DMBT1: variants seen among roughly 807,000 people sequenced by gnomAD.
The protein encoded by DMBT1 is deleted in malignant brain tumors 1.
Under a neutral mutation model 252.9 loss-of-function variants are expected in DMBT1, and 198 were observed. That is an observed-to-expected ratio of 0.78 (90% CI 0.70 to 0.88). The LOEUF is 0.88. Ranked by LOEUF, DMBT1 falls within the 40% of genes least tolerant of loss-of-function variation. The probability of loss-of-function intolerance (pLI) is 0.00; values close to 1 mark genes in which losing one functional copy is unlikely to be tolerated. For missense variants in DMBT1, 2,432 were observed against 2,404.7 expected (o/e 1.01, Z -0.24); for synonymous variants, 990 against 942.7 (o/e 1.05, Z -0.92).
At chr10:122,617,487 A>T (rs1398419692) in intron 40 of DMBT1, among the ~76,000 whole-genome samples, 1 of 151,436 alleles carries the variant, frequency 6.6e-6, no homozygotes, top group Admixed American at 6.6e-5. Flanking sequence ...TTCAGGAACG[A>T]TCCTCATCCA....
At chr10:122,621,501 C>A in intron 44 of DMBT1, 121 bp downstream of exon 44, 1 of 1,488,014 alleles carries the variant, frequency 6.7e-7, no homozygotes, top group Non-Finnish European at 9.0e-7. Flanking sequence ...TTTTTGAAGA[C>A]TTGTTAGCTC....
chr10:122,591,782 C>A (rs1565745517), intron 19 of DMBT1, among the ~76,000 whole-genome samples: 1 of 149,084 alleles, frequency 6.7e-6, no homozygotes, highest in Non-Finnish European at 1.5e-5. Flanking sequence ...CCCTGGAGAG[C>A]TCCCTACTCC....
intron 52 of DMBT1, among the ~76,000 whole-genome samples, chr10:122,634,372 C>CTT (rs35199679): frequency 0.022 from 2,797 of 125,516 alleles, 91 homozygotes; most frequent in African/African-American, 0.052. Context: ...TTCTTTCTTT[C>CTT]TTTCTTTCTT....
Position 122,598,917 on chromosome 10 carries a change from C to A in DMBT1, c.3100C>A (p.Leu1034Met). ...TNDANVVCRQ[L>M]GCGWAMSAPG... is the part of the protein sequence containing the mutation. ...TGATGCCAATGTCGTCTGCAGGCAACTGGGCTGTGGCTGGGCCATGTCAGC... is the reference window on the plus strand; with the variant it reads ...TGATGCCAATGTCGTCTGCAGGCAAATGGGCTGTGGCTGGGCCATGTCAGC... Residue 1034 changes from leucine to methionine, a missense_variant, in exon 26 of 56, where the codon CTG (leucine) becomes ATG (methionine). Physicochemically the swap from Leu to Met is conservative, Grantham distance 15. Around this residue, in one of 3 missense-constraint regions of DMBT1, gnomAD observed 1,264 missense variants for 1,082.2 expected, o/e 1.17. Coordinates refer to ENST00000338354, the MANE Select transcript of DMBT1 (RefSeq NM_001377530.1). 6.2e-7 allele frequency: 1 copy of A among 1,613,828 alleles called. No homozygotes were observed. Among genetic ancestry groups the A allele is most frequent in the Non-Finnish European group, 8.5e-7 (1 of 1,179,754 alleles).
chr10:122,567,495 T>A (rs911282949), intron 2 of DMBT1, among the ~76,000 whole-genome samples: 1 of 152,118 alleles, frequency 6.6e-6, no homozygotes, highest in Non-Finnish European at 1.5e-5. Flanking sequence ...TTCCTCCCTC[T>A]GGGAGGAAAA....
rs761250550 is a variant in DMBT1 at position 122,621,311 on chromosome 10, A to T, written c.5539A>T (p.Ser1847Cys). ...CTCAGGGAATGAGTCCTACCTGTGG[A>T]GCTGCCCCCACAAAGGCTGGCTCAC... ...RCSGNESYLW[S>C]CPHKGWLTHN... Residue 1847 changes from serine to cysteine, a missense_variant, in exon 44 of 56, where the codon AGC becomes TGC. Ser to Cys is a moderately radical substitution (Grantham distance 112). Coordinates refer to ENST00000338354, the MANE Select transcript of DMBT1 (RefSeq NM_001377530.1). 5 of 1,613,794 alleles carry T rather than the reference A, an allele frequency of 3.1e-6. No homozygotes were observed. Among genetic ancestry groups the T allele is most frequent in the Non-Finnish European group, 4.2e-6 (5 of 1,179,738 alleles).
intron 55 of DMBT1, among the ~76,000 whole-genome samples, chr10:122,642,518 C>T (rs1844745642): frequency 6.6e-6 from 1 of 152,112 alleles, no homozygotes; most frequent in Admixed American, 6.5e-5. Context: ...GAGGAGGTGC[C>T]CCAGGGAATG....
In DMBT1 at chr10:122,634,831, G is replaced by A. The variant is rs188552504; in HGVS notation, c.6549-1160G>A. ...CATTAATATATGATTTATCCAAGGA[G>A]GCGGGTGGCCCAGCTAACTGTGAAG... On this transcript the variant is annotated intron_variant, in intron 52 of 55. Transcript: ENST00000338354. Among the ~76,000 whole-genome samples the A allele has an allele frequency of 1.8e-3, 267 of 152,286 alleles. 1 individual carries two copies. The highest frequency in any genetic ancestry group is 0.011 in the South Asian group (55 of 4,826).
intron 40 of DMBT1, among the ~76,000 whole-genome samples, chr10:122,617,782 T>G (rs1176887352): frequency 6.6e-6 from 1 of 151,544 alleles, no homozygotes; most frequent in Non-Finnish European, 1.5e-5. Context: ...TCCTGTCACT[T>G]CCAGTGGGGT....
At chr10:122,600,494 C>G (rs2097939008) in intron 27 of DMBT1, among the ~76,000 whole-genome samples, 1 of 152,224 alleles carries the variant, frequency 6.6e-6, no homozygotes, top group South Asian at 2.1e-4. Flanking sequence ...CCATCCTTCA[C>G]TGCTGGAAAC....
rs1468647708 is a variant in DMBT1, at chr10:122,630,975, T to C, written c.6040T>C (p.Leu2014=). ...GTGTCTTTCAGATGCCACCTTGAGG[T>C]TGGTCAATTTAAATTCATCCTATGG... is the stretch of plus-strand genomic sequence containing the variant. The part of the protein sequence containing the change: ...NSFPSDATLR[L]VNLNSSYGLC... Residue 2014 remains leucine (L), a synonymous_variant, in exon 49 of 56, where the codon TTG becomes CTG. Transcript: ENST00000338354. The C allele has an allele frequency of 6.2e-7, 1 of 1,600,940 alleles. No homozygotes were observed. The highest frequency in any genetic ancestry group is 8.6e-7 in the Non-Finnish European group (1 of 1,169,496).
Position 122,630,965 on chromosome 10 carries a change from C to T in DMBT1, c.6030C>T (p.Ala2010=), listed in dbSNP as rs766842754. The T allele has an allele frequency of 8.2e-6, 13 of 1,594,070 alleles. No individual in the cohort carries two copies. The East Asian group carries it at 2.0e-4, about 25-fold the overall frequency. ...CTCAGTTAATGTGTCTTTCAGATGC[C>T]ACCTTGAGGTTGGTCAATTTAAATT... is the stretch of plus-strand genomic sequence containing the variant. The part of the protein sequence containing the change: ...LAWYNSFPSD[A]TLRLVNLNSS... Residue 2010 remains alanine, a synonymous_variant, in exon 49 of 56, where the codon GCC becomes GCT. Transcript: ENST00000338354.
chr10:122,634,435 TCTCTCTCTCTCTCTCTCTCTC>T (rs1566007391), intron 52 of DMBT1, among the ~76,000 whole-genome samples: 16 of 35,220 alleles, frequency 4.5e-4, no homozygotes, highest in African/African-American at 1.6e-3. Flanking sequence ...CTCTCTTCTC[TCTCTCTCTCTCTCTCTCTCTC>T]TCTCTCTCTC....
At position 122,588,688 on chromosome 10, in the gene DMBT1, C is replaced by T. The variant is rs547741177; in HGVS notation, c.1784-256C>T. 1.9e-4 allele frequency among the ~76,000 whole-genome samples: 28 copies of T among 149,044 alleles called. No homozygotes were observed. The South Asian group carries it at 5.6e-3, about 30-fold the overall frequency. On this transcript the variant is annotated intron_variant, in intron 16 of 55. Transcript: ENST00000338354. The stretch of plus-strand genomic sequence containing the variant: ...CCTGTGTGTGCCCAGAGTAGGGAGT[C>T]GGTTGTCTATTCCTGTCACCTCCAC...
chr10:122,630,979 T>C lies in DMBT1; in HGVS notation c.6044T>C (p.Val2015Ala). The change falls in exon 49 of 56, where the codon GTC (valine) becomes GCC (alanine). Residue 2015 changes from valine to alanine, a missense_variant. This residue lies in a region of DMBT1 where 1,162 missense variants were observed against 1,169.0 expected (regional missense o/e 0.99). Transcript: ENST00000338354. ...SFPSDATLRL[V>A]NLNSSYGLCA... ...CTTTCAGATGCCACCTTGAGGTTGG[T>C]CAATTTAAATTCATCCTATGGTCTA... 1 of 1,601,658 alleles carries C rather than the reference T, an allele frequency of 6.2e-7. No homozygotes were observed. Among genetic ancestry groups the C allele is most frequent in the Non-Finnish European group, 8.5e-7 (1 of 1,169,880 alleles).
In DMBT1 at chr10:122,586,135, G is replaced by A. The variant is rs374635240; in HGVS notation, c.1535G>A (p.Arg512Gln). ...RCQGRVEVLYRGSWGTVCDDS... is the reference protein window; with the variant it reads ...RCQGRVEVLYQGSWGTVCDDS... ...CAGGGCCGAGTGGAGGTCCTATACC[G>A]AGGCTCCTGGGGCACCGTGTGTGAT... is the stretch of plus-strand genomic sequence containing the variant. Residue 512 changes from arginine to glutamine, a missense_variant, in exon 16 of 56, where the codon CGA becomes CAA. Arg to Gln is a conservative substitution (Grantham distance 43, BLOSUM62 1). Coordinates refer to ENST00000338354, the MANE Select transcript of DMBT1 (RefSeq NM_001377530.1). 1.1e-4 allele frequency: 178 copies of A among 1,589,058 alleles called. 10 individuals are homozygous for A. In the Middle Eastern group the frequency reaches 1.3e-3, roughly 12 times the overall value.
chr10:122,625,562 G>A (rs2098112805), intron 45 of DMBT1, among the ~76,000 whole-genome samples: 2 of 152,194 alleles, frequency 1.3e-5, no homozygotes, highest in Non-Finnish European at 2.9e-5. Flanking sequence ...TGTGGAAGGA[G>A]GCTTTGGTCC....
chr10:122,584,200 C>A, intron 13 of DMBT1, 122 bp from the exon 14 acceptor site: 1 of 234,260 alleles, frequency 4.3e-6, no homozygotes, highest in Non-Finnish European at 7.2e-6. Context: ...TGGCAATGCC[C>A]TCCCTCTGTG....
chr10:122,586,159 ATGACAG>A lies in DMBT1; in HGVS notation c.1560_1565del (p.Asp521_Ser522del). 1 of 1,589,220 alleles carries A rather than the reference ATGACAG, an allele frequency of 6.3e-7. No homozygotes were observed. The highest frequency in any genetic ancestry group is 2.3e-5 in the East Asian group (1 of 42,752). On this transcript the variant is annotated inframe_deletion, in exon 16 of 56. Coordinates refer to ENST00000338354, the MANE Select transcript of DMBT1 (RefSeq NM_001377530.1). ...CGAGGCTCCTGGGGCACCGTGTGTG[ATGACAG>A]CTGGGACACCAATGATGCCAATGTG...
Sources: gnomAD v4.1 joint callset for allele counts (sites outside exome capture counted in the v4.1 genomes callset) on GRCh38, gnomAD v4.1.1 for gene constraint, gnomAD v4.1.1 regional missense constraint, MANE v1.5 for transcripts, NCBI Gene and HGNC (gene_info 2026-07-23, HGNC 2026-07-21) for gene names.